Variants in JCAD observed in about 807,000 individuals in gnomAD.
JCAD encodes the protein junctional cadherin 5 associated.
A neutral mutation model predicts 98.0 loss-of-function variants in JCAD; 40 were observed. That is an observed-to-expected ratio of 0.41 (90% confidence interval 0.32 to 0.53). JCAD has a LOEUF of 0.53. JCAD is among the 20% of genes least tolerant of loss of function. The pLI is 0.31. For synonymous variants in JCAD, 691 were observed against 682.3 expected, an observed-to-expected ratio of 1.01 and a Z score of -0.20; for missense variants, 1,705 against 1,738.1, an observed-to-expected ratio of 0.98 and a Z score of 0.34.
chr10:30,047,369 A>AAAAAC (rs1205549492), intron 2 of JCAD, among the ~76,000 whole-genome samples, 163 bp downstream of exon 2: 2 of 152,262 alleles, frequency 1.3e-5, no homozygotes, highest in Admixed American at 6.5e-5. Context: ...ACTCCGTCTC[A>AAAAAC]AAAACAAAAC....
At chr10:30,054,391 A>C (rs2505087) in intron 1 of JCAD, among the ~76,000 whole-genome samples, 2 of 151,828 alleles carry the variant, frequency 1.3e-5, no homozygotes, top group Non-Finnish European at 2.9e-5. Context: ...TGAAATTGTC[A>C]TTTTGCAGGT....
intron 1 of JCAD, among the ~76,000 whole-genome samples, chr10:30,079,469 CTT>C (rs1275995066): frequency 6.6e-6 from 1 of 151,984 alleles, no homozygotes; most frequent in Non-Finnish European, 1.5e-5. Flanking sequence ...CAGATGGACT[CTT>C]TTGAGTTTTA....
In JCAD at chr10:30,068,327, G is replaced by A. The variant is rs1007513663; in HGVS notation, n.250+1373C>T. 2.1e-5 allele frequency among the ~76,000 whole-genome samples: 3 copies of A among 142,904 alleles called. No individual in the cohort carries two copies. The East Asian group carries it at 6.7e-4, about 32-fold the overall frequency. 93.8% of individuals were successfully genotyped at this position (142,904 alleles called of 152,430 possible). A position where few individuals can be genotyped will look rare whatever the true frequency, so the allele number is the denominator to read the frequency against. On this transcript the variant is annotated intron_variant and non_coding_transcript_variant, in intron 2 of 2. Transcript: ENST00000465712. Reference sequence around the variant, plus strand: ...AATCTCTTGAACCCAGGAAGTGGAGGTTGCAGTGAGCCAAGATTGTGCCAC... The same window carrying A: ...AATCTCTTGAACCCAGGAAGTGGAGATTGCAGTGAGCCAAGATTGTGCCAC...
upstream of JCAD, among the ~76,000 whole-genome samples, chr10:30,064,043 G>A (rs745777358): frequency 8.5e-5 from 13 of 152,070 alleles, no homozygotes; most frequent in African/African-American, 2.2e-4. Flanking sequence ...CTGACCTTGC[G>A]ATCTGCCTGC....
chr10:30,110,441 G>A (rs528818659), intron 1 of JCAD, among the ~76,000 whole-genome samples: 2 of 152,002 alleles, frequency 1.3e-5, no homozygotes, highest in Non-Finnish European at 1.5e-5. Flanking sequence ...GTTGGTGTAT[G>A]GACCCCTGAT....
chr10:30,018,296 C>CTTCTTT (rs1554794090), intron 3 of JCAD, among the ~76,000 whole-genome samples: 129 of 70,678 alleles, frequency 1.8e-3, no homozygotes, highest in African/African-American at 5.8e-3. Flanking sequence ...TCTTCTTCTT[C>CTTCTTT]TTTTTTTTTT....
At position 30,017,844 on chromosome 10, in the gene JCAD, C is replaced by G. The variant is rs765746381; in HGVS notation, c.*39G>C. 1 of 1,585,866 alleles carries G rather than the reference C, an allele frequency of 6.3e-7. No homozygotes were observed. The highest frequency in any genetic ancestry group is 1.1e-5 in the South Asian group (1 of 90,460). ...TAAATCTACCAGCTACTTGAGAATACTCAATTCGCAACGGAATGCAAGCTC... is the reference window on the plus strand; with the variant it reads ...TAAATCTACCAGCTACTTGAGAATAGTCAATTCGCAACGGAATGCAAGCTC... On this transcript the variant is annotated 3_prime_UTR_variant, in exon 4 of 4. Transcript: ENST00000375377.
chr10:30,084,450 G>T (rs908188510), intron 1 of JCAD, among the ~76,000 whole-genome samples: 1 of 152,160 alleles, frequency 6.6e-6, no homozygotes, highest in African/African-American at 2.4e-5. Context: ...CATTTAAATT[G>T]GTAGACTTGA....
chr10:30,108,857 A>AT (rs1462653706), intron 1 of JCAD, among the ~76,000 whole-genome samples: 3 of 152,170 alleles, frequency 2.0e-5, no homozygotes. Flanking sequence ...AGATTAAAAA[A>AT]AAAAAAAAGG....
At chr10:30,084,059 GAAAA>G (rs1322788197) in intron 1 of JCAD, among the ~76,000 whole-genome samples, 2 of 145,984 alleles carry the variant, frequency 1.4e-5, no homozygotes, top group Non-Finnish European at 3.0e-5. Context: ...GAAATAGAAA[GAAAA>G]AGAAAGAAAG....
Position 30,029,452 on chromosome 10 carries a change from C to T in JCAD, c.696G>A (p.Leu232=), listed in dbSNP as rs1252985282. The change falls in exon 3 of 4, where the codon CTG becomes CTA. Residue 232 remains leucine, a synonymous_variant. Coordinates refer to ENST00000375377, the MANE Select transcript of JCAD (RefSeq NM_020848.4). ...NSQNKGKSRS[L]PRVLSPESLS... ...GGCTCTCGGGGGAAAGAACTCTAGG[C>T]AGTGAGCGAGACTTCCCTTTGTTTT... 6.2e-7 allele frequency: 1 copy of T among 1,614,094 alleles called. No homozygotes were observed. The highest frequency in any genetic ancestry group is 8.5e-7 in the Non-Finnish European group (1 of 1,180,016).
chr10:30,047,638 T>C lies in JCAD; in HGVS notation c.175A>G (p.Thr59Ala), dbSNP rs774771809. 7.4e-6 allele frequency: 12 copies of C among 1,614,174 alleles called. No homozygotes were observed. Among genetic ancestry groups the C allele is most frequent in the Non-Finnish European group, 1.0e-5 (12 of 1,180,028 alleles). Residue 59 changes from threonine to alanine, a missense_variant, in exon 2 of 4, where the codon ACG (threonine) becomes GCG (alanine). Transcript: ENST00000375377. ...DGPAALAHRK[T>A]SAGKGHVSDS... Reference sequence around the variant, plus strand: ...CTCACATGTCCTTTCCCCGCGGACGTCTTACGATGTGCGAGGGCCGCAGGG... The same window carrying C: ...CTCACATGTCCTTTCCCCGCGGACGCCTTACGATGTGCGAGGGCCGCAGGG...
chr10:30,057,241 T>A (rs1321216649), intron 1 of JCAD, among the ~76,000 whole-genome samples: 1 of 152,212 alleles, frequency 6.6e-6, no homozygotes, highest in Non-Finnish European at 1.5e-5. Context: ...ATGACTGGTG[T>A]TTACTGTCCT....
In JCAD at chr10:30,034,954, T is replaced by A. The variant is rs544768722; in HGVS notation, c.282-5088A>T. Among the ~76,000 whole-genome samples the A allele has an allele frequency of 3.3e-5, 5 of 152,320 alleles. No individual in the cohort carries two copies. In the East Asian group the frequency reaches 9.6e-4, roughly 29 times the overall value. On this transcript the variant is annotated intron_variant, in intron 2 of 3. Transcript: ENST00000375377. The stretch of plus-strand genomic sequence containing the variant: ...TAGGCTGATGGTGAGTAGGCTTTTA[T>A]GAAGCACCGTTCTCATTCCTGACAG...
intron 1 of JCAD, among the ~76,000 whole-genome samples, chr10:30,103,495 G>C (rs1009278854): frequency 6.6e-6 from 1 of 152,082 alleles, no homozygotes; most frequent in African/African-American, 2.4e-5. Context: ...AACTTCAAAC[G>C]TTGTATGTCA....
intron 1 of JCAD, among the ~76,000 whole-genome samples, chr10:30,088,025 G>A (rs923916548): frequency 5.3e-5 from 8 of 152,186 alleles, no homozygotes; most frequent in African/African-American, 1.4e-4. Flanking sequence ...ATTTTTAGTA[G>A]AGACAGGGTT....
chr10:30,081,818 G>A (rs1158564818), intron 1 of JCAD, among the ~76,000 whole-genome samples: 1 of 152,194 alleles, frequency 6.6e-6, no homozygotes, highest in Non-Finnish European at 1.5e-5. Context: ...GTCCCTGAGA[G>A]CTGCCCCTAA....
chr10:30,026,830 C>A lies in JCAD; in HGVS notation c.3318G>T (p.Ala1106=), dbSNP rs781102962. The A allele has an allele frequency of 5.8e-5, 94 of 1,613,906 alleles. No homozygotes were observed. The highest frequency in any genetic ancestry group is 7.3e-5 in the Non-Finnish European group (86 of 1,180,040). ...CGGGCTCAGCAGGCTGGTTCTGTCC[C>A]GCTCTCCGGATGCCCGGCAGGAGGG... ...VESLLPGIRR[A]GQNQPAEPDA... Residue 1106 remains alanine, a synonymous_variant, in exon 3 of 4, where the codon GCG becomes GCT. Transcript: ENST00000375377.
At chr10:30,082,412 A>G (rs1313411829) in intron 1 of JCAD, among the ~76,000 whole-genome samples, 1 of 152,206 alleles carries the variant, frequency 6.6e-6, no homozygotes, top group Non-Finnish European at 1.5e-5. Context: ...AACCTAATTG[A>G]AAGTATATTT....
Sources: allele counts gnomAD v4.1 joint callset (sites outside exome capture counted in the v4.1 genomes callset), GRCh38; gene constraint gnomAD v4.1.1; transcripts MANE v1.5; gene names NCBI Gene and HGNC (gene_info 2026-07-23, HGNC 2026-07-21).